Variants in MYO5B observed in about 807,000 individuals in gnomAD.
MYO5B encodes myosin VB.
In MYO5B, 143 loss-of-function variants were observed where a neutral mutation model predicts 229.3. The ratio of observed to expected loss-of-function variants is 0.62; its 90% CI spans 0.54 to 0.72. The LOEUF (loss-of-function observed/expected upper bound fraction) is 0.72. MYO5B is among the 30% of genes least tolerant of loss of function. The probability of loss-of-function intolerance (pLI) is 0.00; values close to 1 mark genes in which losing one functional copy is unlikely to be tolerated. For missense variants in MYO5B, 2,321 were observed against 2,331.0 expected, an observed-to-expected ratio of 1.00 and a Z score of 0.09; for synonymous variants, 918 against 885.2, an observed-to-expected ratio of 1.04 and a Z score of -0.66.
chr18:49,947,646 C>T (rs1287833027), intron 14 of MYO5B, among the ~76,000 whole-genome samples: 1 of 152,142 alleles, frequency 6.6e-6, no homozygotes, highest in Non-Finnish European at 1.5e-5. Flanking sequence ...AGAGCTGCCA[C>T]AATTTACCTT....
At chr18:49,876,418 A>G (rs1035120039) in intron 25 of MYO5B, 1 of 201,490 alleles carries the variant, frequency 5.0e-6, no homozygotes, top group Admixed American at 5.3e-5. Flanking sequence ...ATAGGGGTGT[A>G]CAAACACGTC....
chr18:49,860,845 T>C (rs2024320362), intron 29 of MYO5B, among the ~76,000 whole-genome samples: 1 of 152,238 alleles, frequency 6.6e-6, no homozygotes, highest in Non-Finnish European at 1.5e-5. Flanking sequence ...ACAGGAAAAC[T>C]GTAGGAAACG....
intron 1 of MYO5B, among the ~76,000 whole-genome samples, chr18:50,101,215 G>A (rs186683004): frequency 8.5e-5 from 13 of 152,264 alleles, no homozygotes; most frequent in South Asian, 2.1e-4. Context: ...TAATCATTCC[G>A]CAATGTATAT....
At chr18:50,173,306 G>A (rs577554576) in intron 1 of MYO5B, among the ~76,000 whole-genome samples, 13 of 151,998 alleles carry the variant, frequency 8.6e-5, no homozygotes, top group African/African-American at 1.2e-4. Flanking sequence ...AGGCCAGTGC[G>A]GATGGATGCA....
At chr18:49,899,980 C>A (rs910558620) in intron 21 of MYO5B, among the ~76,000 whole-genome samples, 1 of 152,026 alleles carries the variant, frequency 6.6e-6, no homozygotes, top group Non-Finnish European at 1.5e-5. Context: ...TTTTCAAGCA[C>A]GTGGATTGTA....
intron 3 of MYO5B, among the ~76,000 whole-genome samples, chr18:50,038,215 C>A (rs1014052163): frequency 1.3e-5 from 2 of 152,218 alleles, no homozygotes; most frequent in African/African-American, 4.8e-5. Context: ...AGAAGACCCA[C>A]TGACTGAGGT....
chr18:50,140,158 A>C (rs1473332475), intron 1 of MYO5B, among the ~76,000 whole-genome samples: 1 of 152,266 alleles, frequency 6.6e-6, no homozygotes, highest in Non-Finnish European at 1.5e-5. Flanking sequence ...CTGTAACTGG[A>C]AAAGATCCAG....
intron 1 of MYO5B, among the ~76,000 whole-genome samples, chr18:50,174,092 T>C (rs766235029): frequency 3.3e-5 from 5 of 152,106 alleles, no homozygotes; most frequent in African/African-American, 4.8e-5. Flanking sequence ...TTCTCTCAAG[T>C]TGGGACATTG....
At position 49,891,015 on chromosome 18, in the gene MYO5B, A is replaced by T. The variant is rs577679058; in HGVS notation, c.3045+3926T>A. Among the ~76,000 whole-genome samples, 4 of 152,286 alleles carry T rather than the reference A, an allele frequency of 2.6e-5. No homozygotes were observed. In the East Asian group the frequency reaches 7.7e-4, roughly 29 times the overall value. ...GCTCACAGAAGCTGAAGTGCCTAGG[A>T]CAGAGTTGCTCATCTCTCTGGAGGT... On this transcript the variant is annotated intron_variant, in intron 22 of 39. Coordinates refer to ENST00000285039, the MANE Select transcript of MYO5B (RefSeq NM_001080467.3).
chr18:49,984,328 G>A (rs951915966), intron 8 of MYO5B, among the ~76,000 whole-genome samples: 17 of 152,188 alleles, frequency 1.1e-4, no homozygotes, highest in African/African-American at 4.1e-4. Flanking sequence ...ATGCTGTGGT[G>A]CACAGGTGCA....
At chr18:50,185,766 C>T (rs2033139671) in intron 1 of MYO5B, among the ~76,000 whole-genome samples, 9 of 152,156 alleles carry the variant, frequency 5.9e-5, no homozygotes, top group Non-Finnish European at 7.3e-5. Flanking sequence ...CAGATCTTGG[C>T]AATTTAAAAA....
chr18:50,147,320 G>A (rs2032520400), intron 1 of MYO5B, among the ~76,000 whole-genome samples: 1 of 152,098 alleles, frequency 6.6e-6, no homozygotes, highest in African/African-American at 2.4e-5. Flanking sequence ...AGGTCTTTCT[G>A]GAACCTCTCT....
At chr18:50,033,900 T>C (rs750504184) in intron 4 of MYO5B, among the ~76,000 whole-genome samples, 1 of 140,402 alleles carries the variant, frequency 7.1e-6, no homozygotes, top group African/African-American at 2.5e-5. Context: ...AGCAGTTCTC[T>C]CCTGGAACTC....
intron 1 of MYO5B, among the ~76,000 whole-genome samples, chr18:50,074,091 G>C (rs903050800): frequency 5.9e-5 from 9 of 152,108 alleles, no homozygotes; most frequent in Admixed American, 6.5e-5. Flanking sequence ...AGGTTTAATT[G>C]GACTCACAGT....
chr18:49,957,188 G>C (rs1057146157), intron 12 of MYO5B, among the ~76,000 whole-genome samples: 4 of 149,082 alleles, frequency 2.7e-5, no homozygotes, highest in Admixed American at 6.7e-5. Context: ...GTGGGGGAGT[G>C]CAAGTTCTGG....
intron 35 of MYO5B, among the ~76,000 whole-genome samples, chr18:49,840,934 A>T (rs765023064): frequency 2.0e-5 from 3 of 152,198 alleles, no homozygotes; most frequent in Non-Finnish European, 2.9e-5. Context: ...TCTTGTGGCC[A>T]TCTTTGTCTA....
intron 1 of MYO5B, among the ~76,000 whole-genome samples, chr18:50,151,792 G>C (rs2032603106): frequency 6.6e-6 from 1 of 152,086 alleles, no homozygotes; most frequent in South Asian, 2.1e-4. Context: ...CAAAGGATGT[G>C]AGTGAGGATG....
chr18:49,891,814 C>T (rs2024718062), intron 22 of MYO5B, among the ~76,000 whole-genome samples: 1 of 152,254 alleles, frequency 6.6e-6, no homozygotes, highest in Non-Finnish European at 1.5e-5. Context: ...CTACCCAAGG[C>T]AATCAACTAG....
intron 1 of MYO5B, among the ~76,000 whole-genome samples, chr18:50,177,217 A>T (rs2033010228): frequency 6.6e-6 from 1 of 152,158 alleles, no homozygotes; most frequent in Admixed American, 6.5e-5. Flanking sequence ...AAAGGACTAC[A>T]TGACAAAAAA....
Sources: gnomAD v4.1 joint callset for allele counts (sites outside exome capture counted in the v4.1 genomes callset) on GRCh38, gnomAD v4.1.1 for gene constraint, MANE v1.5 for transcripts, NCBI Gene and HGNC (gene_info 2026-07-23, HGNC 2026-07-21) for gene names.